OGDH: variants seen among roughly 807,000 people sequenced by gnomAD.
OGDH encodes 2-oxoglutarate dehydrogenase complex component E1.
Under a neutral mutation model 116.6 loss-of-function variants are expected in OGDH, and 38 were observed. That is an observed-to-expected ratio of 0.33 (90% CI 0.25 to 0.43). The LOEUF (loss-of-function observed/expected upper bound fraction) is 0.43. Among genes scored for constraint, OGDH ranks in the 20% least tolerant of loss-of-function variants. The pLI, the probability that OGDH is intolerant of heterozygous loss-of-function variation, is 1.00. For synonymous variants in OGDH, 488 were observed against 533.3 expected (o/e 0.92, Z 1.17); for missense variants, 825 against 1,357.2 (o/e 0.61, Z 6.16).
chr7:44,674,285 T>A (rs944634086), intron 6 of OGDH, 126 bp from the exon 7 acceptor site: 145 of 1,125,508 alleles, frequency 1.3e-4, no homozygotes, highest in Non-Finnish European at 1.9e-4. Flanking sequence ...CCTCAGCTGA[T>A]CTGCCCACCT....
rs562012410 is a variant in OGDH at position 44,610,132 on chromosome 7, G to T, written c.-28+3479G>T. 3.9e-5 allele frequency among the ~76,000 whole-genome samples: 6 copies of T among 152,156 alleles called. No individual in the cohort carries two copies. In the East Asian group the frequency reaches 9.6e-4, roughly 24 times the overall value. On this transcript the variant is annotated intron_variant, in intron 1 of 22. Transcript: ENST00000222673. ...GCCTGGCCCCTGTATACTCTCGGGTGAAATGTCTGTTCATATCTTTTGTTC... is the reference window on the plus strand; with the variant it reads ...GCCTGGCCCCTGTATACTCTCGGGTTAAATGTCTGTTCATATCTTTTGTTC...
At chr7:44,703,400 T>A (rs567169728) in intron 20 of OGDH, among the ~76,000 whole-genome samples, 1 of 150,388 alleles carries the variant, frequency 6.6e-6, no homozygotes, top group African/African-American at 2.5e-5. Flanking sequence ...AGAGTAGGAC[T>A]CCATCTCAAA....
At chr7:44,647,389 C>A in intron 3 of OGDH, 1 of 1,237,514 alleles carries the variant, frequency 8.1e-7, no homozygotes, top group Non-Finnish European at 1.1e-6. Context: ...CTCTTTTAAC[C>A]CTCCCCACAG....
intron 1 of OGDH, among the ~76,000 whole-genome samples, chr7:44,613,041 A>C (rs1384081318): frequency 6.8e-6 from 1 of 147,806 alleles, no homozygotes; most frequent in Non-Finnish European, 1.5e-5. Flanking sequence ...CCACCAACGT[A>C]ATTTTTTTGT....
At chr7:44,682,420 G>A (rs538486661) in intron 10 of OGDH, among the ~76,000 whole-genome samples, 5 of 151,862 alleles carry the variant, frequency 3.3e-5, no homozygotes, top group South Asian at 4.2e-4. Flanking sequence ...AGTTAGCACC[G>A]GGCATGGTGG....
intron 20 of OGDH, among the ~76,000 whole-genome samples, chr7:44,706,657 T>C (rs369468146): frequency 1.3e-3 from 173 of 135,748 alleles, no homozygotes; most frequent in African/African-American, 5.2e-3. Flanking sequence ...GATGGAGTCT[T>C]GCTCTGTTGC....
chr7:44,694,377 C>A lies in OGDH; in HGVS notation c.1516-47C>A. 2 of 1,604,436 alleles carry A rather than the reference C, an allele frequency of 1.2e-6. No homozygotes were observed. The highest frequency in any genetic ancestry group is 1.1e-5 in the South Asian group (1 of 90,326). ...CAGGTGCCTGAACAGCACTTCTTCCCAAGGGGCCAGCCCTTGTCTCTGACA... is the reference window on the plus strand; with the variant it reads ...CAGGTGCCTGAACAGCACTTCTTCCAAAGGGGCCAGCCCTTGTCTCTGACA... On this transcript the variant is annotated intron_variant, in intron 11 of 22. Coordinates refer to ENST00000222673, the MANE Select transcript of OGDH (RefSeq NM_002541.4). This position sits in a 1 kb window ranked among gnomAD's most constrained non-coding sequence, Gnocchi z 4.2.
intron 2 of OGDH, among the ~76,000 whole-genome samples, chr7:44,627,036 G>A (rs1430153480): frequency 4.6e-5 from 7 of 152,002 alleles, no homozygotes; most frequent in Non-Finnish European, 1.0e-4. Flanking sequence ...TCACTCTGTC[G>A]CTCAGACTGG....
intron 2 of OGDH, among the ~76,000 whole-genome samples, chr7:44,625,274 G>A (rs1028163778): frequency 2.0e-5 from 3 of 152,006 alleles, no homozygotes; most frequent in East Asian, 3.9e-4. Flanking sequence ...ACAGGTGCAC[G>A]TCACCACGCC....
At chr7:44,704,163 C>T (rs1788963794) in intron 20 of OGDH, among the ~76,000 whole-genome samples, 1 of 152,192 alleles carries the variant, frequency 6.6e-6, no homozygotes, top group Admixed American at 6.5e-5. Flanking sequence ...TTTTACATCC[C>T]ACCAACAGTA....
chr7:44,642,649 T>C (rs918528012), intron 2 of OGDH, among the ~76,000 whole-genome samples: 1 of 152,046 alleles, frequency 6.6e-6, no homozygotes, highest in Non-Finnish European at 1.5e-5. Flanking sequence ...AAAGGCCAGG[T>C]GCAGTGGCTT....
chr7:44,666,248 C>T (rs887839030), intron 4 of OGDH, among the ~76,000 whole-genome samples: 1 of 152,192 alleles, frequency 6.6e-6, no homozygotes, highest in Non-Finnish European at 1.5e-5. Context: ...CTTAGTCCCC[C>T]TCCTCCAGCT....
chr7:44,644,235 CTT>C lies in OGDH; in HGVS notation c.223-1089_223-1088del, dbSNP rs548846772. Among the ~76,000 whole-genome samples, 265 of 150,956 alleles carry C rather than the reference CTT, an allele frequency of 1.8e-3. 2 individuals are homozygous for C. Among genetic ancestry groups the C allele is most frequent in the African/African-American group, 5.5e-3 (220 of 40,310 alleles). ...TAAAATAAACTGATGTTTAATTGTG[CTT>C]TTCTTTTCTTTTTACAATGAACTTT... is the stretch of plus-strand genomic sequence containing the variant. On this transcript the variant is annotated intron_variant, in intron 2 of 22. Coordinates refer to ENST00000222673, the MANE Select transcript of OGDH (RefSeq NM_002541.4).
intron 5 of OGDH, among the ~76,000 whole-genome samples, chr7:44,668,054 C>T (rs938037683): frequency 6.6e-6 from 1 of 152,152 alleles, no homozygotes. Context: ...CCTCTAGCAC[C>T]CCAGGGATTA....
intron 20 of OGDH, among the ~76,000 whole-genome samples, 166 bp downstream of exon 20, chr7:44,701,781 G>A (rs776494562): frequency 2.0e-5 from 3 of 152,144 alleles, no homozygotes; most frequent in Non-Finnish European, 4.4e-5. Flanking sequence ...AGTGGCTCAC[G>A]CCTGTAATCC....
chr7:44,629,378 C>T (rs1417887705), intron 2 of OGDH, among the ~76,000 whole-genome samples: 1 of 152,162 alleles, frequency 6.6e-6, no homozygotes, highest in Admixed American at 6.5e-5. Flanking sequence ...GTGCCTTCAG[C>T]AGCTGCCTTG....
At chr7:44,623,988 C>T (rs1207495464) in intron 1 of OGDH, among the ~76,000 whole-genome samples, 6 of 152,058 alleles carry the variant, frequency 3.9e-5, no homozygotes, top group Non-Finnish European at 8.8e-5. Context: ...TGCAACTGTG[C>T]ACTCACCTTC....
intron 10 of OGDH, among the ~76,000 whole-genome samples, chr7:44,690,957 C>CT (rs1254068167): frequency 1.3e-5 from 2 of 152,010 alleles, no homozygotes; most frequent in East Asian, 3.9e-4. Context: ...TCATCAGTGT[C>CT]TGACTATTTC....
In OGDH at chr7:44,636,932, G is replaced by A. The variant is rs918370078; in HGVS notation, c.223-8395G>A. Among the ~76,000 whole-genome samples the A allele has an allele frequency of 3.3e-5, 5 of 152,024 alleles. 1 individual carries two copies. The highest frequency in any genetic ancestry group is 4.2e-4 in the South Asian group (2 of 4,802). On this transcript the variant is annotated intron_variant, in intron 2 of 22. Coordinates refer to ENST00000222673, the MANE Select transcript of OGDH (RefSeq NM_002541.4). ...ATGGGAAGTTGGCTGTGAGTGGGGT[G>A]GGGGGGCACACAAGCTCCCTGCCTG...
Sources: allele counts gnomAD v4.1 joint callset (sites outside exome capture counted in the v4.1 genomes callset), GRCh38; gene constraint gnomAD v4.1.1; non-coding constraint Gnocchi (gnomAD v3.1); transcripts MANE v1.5; gene names NCBI Gene and HGNC (gene_info 2026-07-23, HGNC 2026-07-21).